Variants in GPR158 observed in about 807,000 individuals in gnomAD.
GPR158 encodes G protein-coupled receptor 158.
A neutral mutation model predicts 78.2 loss-of-function variants in GPR158; 30 were observed. That is an observed-to-expected ratio of 0.38 (90% CI 0.29 to 0.52). GPR158 has a LOEUF of 0.52. Ranked by LOEUF, GPR158 falls within the 20% of genes least tolerant of loss-of-function variation. GPR158 has a pLI of 0.83. For synonymous variants in GPR158, 581 were observed against 591.1 expected (o/e 0.98, Z 0.25); for missense variants, 1,463 against 1,523.5 (o/e 0.96, Z 0.66).
intron 2 of GPR158, among the ~76,000 whole-genome samples, chr10:25,294,786 A>G (rs1057515196): frequency 2.6e-5 from 4 of 152,198 alleles, no homozygotes; most frequent in African/African-American, 9.6e-5. Flanking sequence ...TTAGGCATTG[A>G]TACTCTGTTT....
intron 2 of GPR158, chr10:25,393,919 T>A (rs1009034093): frequency 2.0e-5 from 3 of 152,232 alleles, no homozygotes; most frequent in Non-Finnish European, 4.4e-5. Flanking sequence ...GATTTATCTA[T>A]GATCTTTATG....
intron 2 of GPR158, among the ~76,000 whole-genome samples, chr10:25,302,238 A>ATTT (rs58156960): frequency 9.0e-5 from 12 of 133,940 alleles, no homozygotes; most frequent in Non-Finnish European, 1.8e-4. Context: ...TGCCTGGCTA[A>ATTT]TTTTTTTTTT....
chr10:25,541,958 T>C (rs959261850), intron 5 of GPR158, among the ~76,000 whole-genome samples: 23 of 147,440 alleles, frequency 1.6e-4, no homozygotes, highest in African/African-American at 5.7e-4. Flanking sequence ...ATATAAATTA[T>C]ATATTATATA....
chr10:25,321,475 T>C (rs1301277463), intron 2 of GPR158, among the ~76,000 whole-genome samples: 2 of 152,190 alleles, frequency 1.3e-5, no homozygotes, highest in Admixed American at 1.3e-4. Flanking sequence ...TGGAATGATA[T>C]TTAGGAAATT....
At chr10:25,427,372 C>T (rs1834839328) in intron 4 of GPR158, among the ~76,000 whole-genome samples, 1 of 152,158 alleles carries the variant, frequency 6.6e-6, no homozygotes, top group South Asian at 2.1e-4. Context: ...TTGACCTCTG[C>T]TGTGTGTGCT....
chr10:25,251,266 C>G (rs1853794453), intron 2 of GPR158, among the ~76,000 whole-genome samples: 1 of 152,016 alleles, frequency 6.6e-6, no homozygotes, highest in Admixed American at 6.5e-5. Flanking sequence ...ACTCTTTATC[C>G]AATTTGCCAG....
intron 4 of GPR158, among the ~76,000 whole-genome samples, chr10:25,463,628 A>G (rs556729942): frequency 6.6e-6 from 1 of 152,158 alleles, no homozygotes; most frequent in African/African-American, 2.4e-5. Flanking sequence ...TATCTCAGGC[A>G]TAACTAGGAA....
At chr10:25,525,795 C>G (rs574188017) in intron 5 of GPR158, among the ~76,000 whole-genome samples, 1 of 152,152 alleles carries the variant, frequency 6.6e-6, no homozygotes, top group African/African-American at 2.4e-5. Flanking sequence ...AATTACACTG[C>G]AATAAAGCTA....
chr10:25,190,620 C>T (rs571427950), intron 1 of GPR158, among the ~76,000 whole-genome samples: 15 of 152,226 alleles, frequency 9.9e-5, no homozygotes, highest in South Asian at 2.1e-4. Context: ...CATGAGCCAC[C>T]GCTGCTGGCC....
chr10:25,354,712 A>G (rs1855524312), intron 2 of GPR158, among the ~76,000 whole-genome samples: 1 of 152,078 alleles, frequency 6.6e-6, no homozygotes, highest in Non-Finnish European at 1.5e-5. Context: ...TTCAGACTGA[A>G]GAGCTCCCTT....
At chr10:25,594,475 G>A in intron 9 of GPR158, 78 bp downstream of exon 9, 2 of 583,754 alleles carry the variant, frequency 3.4e-6, no homozygotes, top group Non-Finnish European at 6.0e-6. Flanking sequence ...ATAGGCAAAA[G>A]GAGGTATGGA....
At chr10:25,377,915 T>C (rs1179750069) in intron 2 of GPR158, among the ~76,000 whole-genome samples, 3 of 152,118 alleles carry the variant, frequency 2.0e-5, no homozygotes, top group Non-Finnish European at 4.4e-5. Flanking sequence ...CTGGATCACA[T>C]AGTAACTCTG....
chr10:25,390,969 G>T lies in GPR158; in HGVS notation c.1009-4942G>T, dbSNP rs574959586. On this transcript the variant is annotated intron_variant, in intron 2 of 10. Transcript: ENST00000376351. ...GTGCAGTCTTAGGACTTGGTGCCCC[G>T]TGTGTCAGCTGTGGCTAAAAGGGGC... Among the ~76,000 whole-genome samples, 35 of 152,226 alleles carry T rather than the reference G, an allele frequency of 2.3e-4. 1 individual carries two copies. In the South Asian group the frequency reaches 7.0e-3, roughly 31 times the overall value.
intron 6 of GPR158, among the ~76,000 whole-genome samples, chr10:25,563,368 CAT>C (rs962174375): frequency 6.6e-6 from 1 of 152,078 alleles, no homozygotes; most frequent in African/African-American, 2.4e-5. Flanking sequence ...TTATAGAAAA[CAT>C]ATAGTTGGAT....
intron 7 of GPR158, among the ~76,000 whole-genome samples, chr10:25,578,407 A>AAAGCT (rs1359903557): frequency 6.6e-6 from 1 of 152,260 alleles, no homozygotes; most frequent in African/African-American, 2.4e-5. Context: ...GAAACAGGTT[A>AAAGCT]AAGCTAAAGA....
At chr10:25,189,872 G>GTA in intron 1 of GPR158, among the ~76,000 whole-genome samples, 1 of 146,872 alleles carries the variant, frequency 6.8e-6, no homozygotes, top group African/African-American at 2.5e-5. Flanking sequence ...GTGTGTGTGT[G>GTA]TATGTGTATG....
intron 6 of GPR158, among the ~76,000 whole-genome samples, chr10:25,571,184 C>A (rs1402380197): frequency 2.6e-5 from 4 of 152,104 alleles, no homozygotes; most frequent in African/African-American, 9.7e-5. Flanking sequence ...AACTGTTAAT[C>A]TGGGGAACTG....
chr10:25,255,330 G>A (rs1564403635), intron 2 of GPR158, among the ~76,000 whole-genome samples: 1 of 152,238 alleles, frequency 6.6e-6, no homozygotes, highest in Non-Finnish European at 1.5e-5. Context: ...TATTTCTTGT[G>A]TGCTGTGTTA....
At chr10:25,538,120 G>T (rs939426464) in intron 5 of GPR158, among the ~76,000 whole-genome samples, 4 of 152,148 alleles carry the variant, frequency 2.6e-5, no homozygotes, top group African/African-American at 9.7e-5. Flanking sequence ...GCTCACTAGT[G>T]TGTGTTTTTC....
Sources: allele counts gnomAD v4.1 joint callset (sites outside exome capture counted in the v4.1 genomes callset), GRCh38; gene constraint gnomAD v4.1.1; transcripts MANE v1.5; gene names NCBI Gene and HGNC (gene_info 2026-07-23, HGNC 2026-07-21).